Variants in TTC6 observed in about 807,000 individuals in gnomAD.
TTC6 encodes the protein tetratricopeptide repeat protein 6.
Under a neutral mutation model 210.4 loss-of-function variants are expected in TTC6, and 172 were observed. That is an observed-to-expected ratio of 0.82 (90% CI 0.72 to 0.93). The LOEUF is 0.93. Ranked by LOEUF, TTC6 falls within the 40% of genes least tolerant of loss-of-function variation. TTC6 has a pLI of 0.00. For synonymous variants in TTC6, 804 were observed against 819.6 expected (o/e 0.98, Z 0.32); for missense variants, 2,414 against 2,318.1 (o/e 1.04, Z -0.85).
chr14:37,749,726 G>C, exon 12 of TTC6: 1 of 1,430,468 alleles, frequency 7.0e-7, no homozygotes, highest in Non-Finnish European at 9.1e-7. Flanking sequence ...AATACTCTTG[G>C]AACCATTGTT....
chr14:37,831,298 C>A (rs2096184477), intron 29 of TTC6, among the ~76,000 whole-genome samples: 1 of 152,112 alleles, frequency 6.6e-6, no homozygotes, highest in South Asian at 2.1e-4. Context: ...TGCATATATG[C>A]AACACATTTT....
At chr14:37,603,824 C>T (rs1317487391) in intron 1 of TTC6, among the ~76,000 whole-genome samples, 2 of 152,190 alleles carry the variant, frequency 1.3e-5, no homozygotes, top group East Asian at 3.9e-4. Flanking sequence ...ACAGTGCAGT[C>T]GGACATGTTC....
exon 11 of TTC6, chr14:37,749,309 A>C: frequency 6.6e-7 from 1 of 1,521,308 alleles, no homozygotes; most frequent in Non-Finnish European, 8.8e-7. Flanking sequence ...AATAAATGAT[A>C]AGACAAAATA....
At chr14:37,645,149 C>G (rs1039581251) in intron 1 of TTC6, among the ~76,000 whole-genome samples, 1 of 152,154 alleles carries the variant, frequency 6.6e-6, no homozygotes, top group Non-Finnish European at 1.5e-5. Context: ...ACTTTTCACT[C>G]TTTGCTAATT....
chr14:37,642,693 T>C (rs1395387139), intron 1 of TTC6, among the ~76,000 whole-genome samples: 1 of 152,156 alleles, frequency 6.6e-6, no homozygotes, highest in African/African-American at 2.4e-5. Flanking sequence ...AATGTGTCAT[T>C]AGGTGATTTC....
intron 3 of TTC6, among the ~76,000 whole-genome samples, chr14:37,689,383 C>G (rs2138603247): frequency 6.6e-6 from 1 of 152,106 alleles, no homozygotes; most frequent in African/African-American, 2.4e-5. Context: ...TAGAGAAAGA[C>G]ATAGAGGTAG....
chr14:37,704,204 G>C (rs2095830947), intron 5 of TTC6, among the ~76,000 whole-genome samples: 1 of 152,048 alleles, frequency 6.6e-6, no homozygotes, highest in Non-Finnish European at 1.5e-5. Flanking sequence ...TCAGCCTCCT[G>C]AGTAGCACTA....
At chr14:37,600,189 A>G (rs949234264) in intron 1 of TTC6, among the ~76,000 whole-genome samples, 1 of 152,218 alleles carries the variant, frequency 6.6e-6, no homozygotes, top group Non-Finnish European at 1.5e-5. Context: ...CTGAGGTCCT[A>G]CTGCGTGCCA....
At chr14:37,803,881 T>C (rs1166717261) in intron 20 of TTC6, among the ~76,000 whole-genome samples, 4 of 152,202 alleles carry the variant, frequency 2.6e-5, no homozygotes, top group African/African-American at 7.2e-5. Flanking sequence ...TAATGCTCAA[T>C]AGAACACTTA....
chr14:37,735,841 G>A, intron 7 of TTC6, 80 bp from the exon 10 acceptor site: 2 of 765,024 alleles, frequency 2.6e-6, no homozygotes, highest in Admixed American at 2.8e-5. Context: ...TAATAATGTT[G>A]TACTATGAAG....
intron 6 of TTC6, among the ~76,000 whole-genome samples, chr14:37,717,868 A>G (rs1487605216): frequency 1.3e-5 from 2 of 152,344 alleles, no homozygotes; most frequent in East Asian, 3.9e-4. Context: ...TTGTAACAGT[A>G]TTGAGAGGTG....
At chr14:37,602,070 C>A (rs189302281) in intron 1 of TTC6, among the ~76,000 whole-genome samples, 207 of 152,326 alleles carry the variant, frequency 1.4e-3, no homozygotes, top group African/African-American at 4.7e-3. Flanking sequence ...GCTGCGCACC[C>A]GGCTTAGAGC....
rs1566920879 is a variant in TTC6 at position 37,736,998 on chromosome 14, T to A, written c.1909-662T>A. ...TCTCAAAACTCCTAGGCTTAAGTGA[T>A]CCTCCTGCCTCAGCCTCCCAAACTG... On this transcript the variant is annotated intron_variant, in intron 8 of 30. Coordinates refer to ENST00000553443, the Ensembl canonical transcript of TTC6. Among the ~76,000 whole-genome samples, 3 of 152,108 alleles carry A rather than the reference T, an allele frequency of 2.0e-5. No homozygotes were observed. In the East Asian group the frequency reaches 5.8e-4, roughly 29 times the overall value.
intron 14 of TTC6, among the ~76,000 whole-genome samples, chr14:37,786,497 T>C (rs2096067983): frequency 6.6e-6 from 1 of 152,032 alleles, no homozygotes; most frequent in Non-Finnish European, 1.5e-5. Context: ...AGGGTTGGAG[T>C]GAGTCAATTT....
exon 10 of TTC6, chr14:37,738,815 A>G: frequency 6.5e-7 from 1 of 1,529,330 alleles, no homozygotes; most frequent in South Asian, 1.2e-5. Context: ...GGAGAAGATC[A>G]TAGCTCCTTT....
intron 1 of TTC6, among the ~76,000 whole-genome samples, chr14:37,637,400 C>T (rs1246367773): frequency 2.6e-5 from 4 of 152,110 alleles, no homozygotes; most frequent in Non-Finnish European, 5.9e-5. Flanking sequence ...GAAATATTTG[C>T]AAACCACACA....
intron 1 of TTC6, among the ~76,000 whole-genome samples, chr14:37,648,965 C>T: frequency 6.7e-6 from 1 of 149,872 alleles, no homozygotes; most frequent in East Asian, 2.0e-4. Context: ...GTGCAAGAAT[C>T]ATGTTTATTT....
At chr14:37,787,412 A>G in intron 14 of TTC6, 56 bp from the exon 17 acceptor site, 1 of 1,235,914 alleles carries the variant, frequency 8.1e-7, no homozygotes, top group Non-Finnish European at 1.1e-6. Context: ...CAGGTTTACC[A>G]AAAAGAGAAA....
At chr14:37,766,686 C>T (rs1206756286) in intron 14 of TTC6, among the ~76,000 whole-genome samples, 1 of 152,076 alleles carries the variant, frequency 6.6e-6, no homozygotes, top group African/African-American at 2.4e-5. Context: ...ATGCATGTGT[C>T]TTTATGGTAC....
Sources: gnomAD v4.1 joint callset for allele counts (sites outside exome capture counted in the v4.1 genomes callset) on GRCh38, gnomAD v4.1.1 for gene constraint, MANE v1.5 for transcripts, NCBI Gene and HGNC (gene_info 2026-07-23, HGNC 2026-07-21) for gene names.